LINGO2: variants seen among roughly 807,000 people sequenced by gnomAD.
LINGO2 encodes leucine rich repeat and Ig domain containing 2, also known as leucine-rich repeat and immunoglobulin-like domain-containing nogo receptor-interacting protein 2.
In LINGO2, 14 loss-of-function variants were observed where a neutral mutation model predicts 30.6. That is an observed-to-expected ratio of 0.46 (90% CI 0.30 to 0.72). The LOEUF (loss-of-function observed/expected upper bound fraction) is 0.72. Ranked by LOEUF, LINGO2 falls within the 30% of genes least tolerant of loss-of-function variation. LINGO2 has a pLI of 0.07. For missense variants in LINGO2, 729 were observed against 751.7 expected (o/e 0.97, Z 0.35); for synonymous variants, 317 against 288.5 (o/e 1.10, Z -1.00).
rs540721555 is a variant in LINGO2, at chr9:28,419,690, C to T, written c.-278-46822G>A. ...TTCAGCCAAAAATAAAAAAATCAGC[C>T]TTAAGACCAATGACATTCATAAAAT... On this transcript the variant is annotated intron_variant, in intron 2 of 5. Transcript: ENST00000379992. 2.0e-3 allele frequency among the ~76,000 whole-genome samples: 298 copies of T among 151,858 alleles called. 3 individuals are homozygous for T. The highest frequency in any genetic ancestry group is 6.8e-3 in the African/African-American group (284 of 41,472).
the LINGO2 span, among the ~76,000 whole-genome samples, chr9:28,943,463 T>C: frequency 6.6e-6 from 1 of 152,184 alleles, no homozygotes; most frequent in East Asian, 1.9e-4. Context: ...TATTGTAGAT[T>C]ATACAGGTTT....
chr9:28,751,834 C>T, the LINGO2 span, among the ~76,000 whole-genome samples: 1 of 151,904 alleles, frequency 6.6e-6, no homozygotes, highest in East Asian at 1.9e-4. Context: ...CATCACTGTG[C>T]ACAATTTGGG....
chr9:28,467,057 G>T (rs1032199944), intron 2 of LINGO2, among the ~76,000 whole-genome samples: 1 of 147,800 alleles, frequency 6.8e-6, no homozygotes, highest in Non-Finnish European at 1.5e-5. Flanking sequence ...ACGGAGTCTC[G>T]CTCTGTTGCC....
At chr9:28,579,485 CAT>C (rs1445202995) in intron 1 of LINGO2, among the ~76,000 whole-genome samples, 1 of 151,876 alleles carries the variant, frequency 6.6e-6, no homozygotes, top group Non-Finnish European at 1.5e-5. Context: ...TAATAAAAAA[CAT>C]ATAAAAGTCA....
the LINGO2 span, among the ~76,000 whole-genome samples, chr9:28,847,848 A>G: frequency 1.7e-5 from 2 of 119,676 alleles, no homozygotes; most frequent in African/African-American, 3.2e-5. Context: ...ATATACACAT[A>G]TATGTATATA....
chr9:28,916,978 G>A, the LINGO2 span, among the ~76,000 whole-genome samples: 1 of 152,176 alleles, frequency 6.6e-6, no homozygotes, highest in Non-Finnish European at 1.5e-5. Context: ...GATTTTGGAA[G>A]ATAAGGTGGG....
chr9:28,054,781 C>T (rs899353866), intron 4 of LINGO2, among the ~76,000 whole-genome samples: 1 of 151,422 alleles, frequency 6.6e-6, no homozygotes, highest in Non-Finnish European at 1.5e-5. Flanking sequence ...ATATTCCAGG[C>T]TATAACTTAA....
At chr9:28,411,253 C>CT (rs796341660) in intron 2 of LINGO2, among the ~76,000 whole-genome samples, 7 of 151,654 alleles carry the variant, frequency 4.6e-5, no homozygotes, top group South Asian at 4.2e-4. Context: ...CCACATGCTC[C>CT]TTTTTTTTAG....
intron 1 of LINGO2, among the ~76,000 whole-genome samples, chr9:28,567,924 C>T (rs145616772): frequency 1.8e-4 from 27 of 152,164 alleles, no homozygotes; most frequent in Admixed American, 1.4e-3. Flanking sequence ...CTACTCACTG[C>T]TATTTTACAG....
chr9:27,944,460 A>G (rs1029833870), downstream of LINGO2: 7 of 152,192 alleles, frequency 4.6e-5, no homozygotes, highest in Middle Eastern at 3.2e-3. Flanking sequence ...TGAGAGATTC[A>G]TGTCAAGTGT....
At chr9:28,557,524 T>A (rs887952769) in intron 1 of LINGO2, among the ~76,000 whole-genome samples, 7 of 151,852 alleles carry the variant, frequency 4.6e-5, no homozygotes, top group African/African-American at 1.7e-4. Flanking sequence ...TGTGGAGAAA[T>A]AGGAACACTT....
chr9:29,029,479 A>G, the LINGO2 span, among the ~76,000 whole-genome samples: 1 of 152,168 alleles, frequency 6.6e-6, no homozygotes, highest in Non-Finnish European at 1.5e-5. Flanking sequence ...TTCAGTCTTT[A>G]TAATCTCTGG....
chr9:28,751,873 T>C, the LINGO2 span, among the ~76,000 whole-genome samples: 2 of 152,132 alleles, frequency 1.3e-5, no homozygotes, highest in African/African-American at 4.8e-5. Flanking sequence ...CCCATGACGA[T>C]ATTCTTGCTA....
chr9:29,028,649 T>C, the LINGO2 span, among the ~76,000 whole-genome samples: 5 of 152,152 alleles, frequency 3.3e-5, no homozygotes, highest in Admixed American at 6.6e-5. Context: ...TTTTGAACCT[T>C]AATCCCAAGA....
chr9:29,043,745 C>T, the LINGO2 span, among the ~76,000 whole-genome samples: 1 of 151,930 alleles, frequency 6.6e-6, no homozygotes, highest in Non-Finnish European at 1.5e-5. Flanking sequence ...TTGATTACTT[C>T]TATAGAAACA....
intron 4 of LINGO2, among the ~76,000 whole-genome samples, chr9:28,035,146 G>A (rs917611713): frequency 2.0e-5 from 3 of 152,168 alleles, no homozygotes; most frequent in Non-Finnish European, 1.5e-5. Flanking sequence ...AACCCTCAGG[G>A]TCTTTTGGTA....
At chr9:28,627,556 T>A (rs1826738289) in intron 1 of LINGO2, among the ~76,000 whole-genome samples, 1 of 152,048 alleles carries the variant, frequency 6.6e-6, no homozygotes, top group Non-Finnish European at 1.5e-5. Flanking sequence ...TCACTATAGG[T>A]CTCATCTTAT....
At chr9:28,589,438 G>A (rs977179808) in intron 1 of LINGO2, among the ~76,000 whole-genome samples, 3 of 152,076 alleles carry the variant, frequency 2.0e-5, no homozygotes, top group Admixed American at 6.6e-5. Context: ...AAGCTGATAA[G>A]CAACTTCAGC....
At chr9:29,020,123 A>G in the LINGO2 span, among the ~76,000 whole-genome samples, 1 of 152,204 alleles carries the variant, frequency 6.6e-6, no homozygotes, top group Non-Finnish European at 1.5e-5. Flanking sequence ...CTTACACCTG[A>G]ATGTTTAAGG....
Sources: allele counts gnomAD v4.1 joint callset (sites outside exome capture counted in the v4.1 genomes callset), GRCh38; gene constraint gnomAD v4.1.1; transcripts MANE v1.5; gene names NCBI Gene and HGNC (gene_info 2026-07-23, HGNC 2026-07-21).